The following RPS6KA2 variants were observed in gnomAD, a reference collection of about 807,000 sequenced individuals.
RPS6KA2 encodes ribosomal protein S6 kinase alpha-2.
In RPS6KA2, 42 loss-of-function variants were observed where a neutral mutation model predicts 91.8. That is an observed-to-expected ratio of 0.46 (90% CI 0.36 to 0.59). The LOEUF is 0.59. RPS6KA2 is among the 20% of genes least tolerant of loss of function. The pLI, the probability that RPS6KA2 is intolerant of heterozygous loss-of-function variation, is 0.00. For synonymous variants in RPS6KA2, 414 were observed against 393.6 expected (o/e 1.05, Z -0.61); for missense variants, 798 against 978.5 (o/e 0.82, Z 2.46).
At chr6:166,805,834 C>T (rs746915030) in intron 2 of RPS6KA2, among the ~76,000 whole-genome samples, 6 of 149,464 alleles carry the variant, frequency 4.0e-5, no homozygotes, top group Non-Finnish European at 7.3e-5. Flanking sequence ...TTTAAAACAA[C>T]AGTCTTAAAG....
Position 166,490,888 on chromosome 6 carries a change from T to C in RPS6KA2, c.748-147A>G. On this transcript the variant is annotated intron_variant, in intron 8 of 20. Transcript: ENST00000265678. The surrounding 1 kb of genome is among the most constrained non-coding windows in gnomAD (Gnocchi z 4.2). ...CAATTGTAGCCACTGGCCTACGTGC[T>C]TGGGGTACAACAGTGACTAAAACTG... is the stretch of plus-strand genomic sequence containing the variant. The C allele has an allele frequency of 1.6e-6, 1 of 640,792 alleles. No individual in the cohort carries two copies. The highest frequency in any genetic ancestry group is 1.9e-5 in the South Asian group (1 of 52,474). The allele number at this position is 640,792 out of a possible 1,614,324, so 39.7% of individuals were successfully genotyped here.
intron 12 of RPS6KA2, among the ~76,000 whole-genome samples, chr6:166,455,675 G>A (rs899482402): frequency 6.6e-6 from 1 of 152,238 alleles, no homozygotes; most frequent in Non-Finnish European, 1.5e-5. Context: ...GAAGCTCGGG[G>A]CTTTCTGAGC....
rs189212629 is a variant in RPS6KA2, at chr6:166,713,201, G to A, written c.123+144999C>T. ...AACTCACTTTCTCTCTTTTCAGGGCGGAGGAAACCCAGCTCCAGGGTGACC... is the reference window on the plus strand; with the variant it reads ...AACTCACTTTCTCTCTTTTCAGGGCAGAGGAAACCCAGCTCCAGGGTGACC... On this transcript the variant is annotated intron_variant, in intron 2 of 21. Coordinates refer to the RPS6KA2 transcript ENST00000503859. Among the ~76,000 whole-genome samples the A allele has an allele frequency of 9.8e-4, 149 of 152,296 alleles. 1 individual carries two copies. The highest frequency in any genetic ancestry group is 3.4e-3 in the African/African-American group (142 of 41,552).
intron 6 of RPS6KA2, 29 bp downstream of exon 6, chr6:166,504,477 G>C (rs2128479955): frequency 1.5e-6 from 2 of 1,350,642 alleles, no homozygotes. Context: ...TGGGCGTGGG[G>C]AAGTCAGCCC....
intron 2 of RPS6KA2, among the ~76,000 whole-genome samples, chr6:166,804,481 C>A (rs1188367515): frequency 6.6e-6 from 1 of 151,192 alleles, no homozygotes; most frequent in South Asian, 2.1e-4. Flanking sequence ...TGCAACTAGA[C>A]TAACAAGACA....
rs1332833599 is a variant in RPS6KA2, at chr6:166,557,632, T to C, written c.100-18848A>G. Reference sequence around the variant, plus strand: ...ATTAAAAAATGTTTTAATGAAGTATTATACCACATAATAGATATATAGAAA... The same window carrying C: ...ATTAAAAAATGTTTTAATGAAGTATCATACCACATAATAGATATATAGAAA... On this transcript the variant is annotated intron_variant, in intron 1 of 20. Transcript: ENST00000265678. The surrounding 1 kb of genome is among the most constrained non-coding windows in gnomAD (Gnocchi z 4.8). Among the ~76,000 whole-genome samples, 3 of 152,226 alleles carry C rather than the reference T, an allele frequency of 2.0e-5. No individual in the cohort carries two copies. Among genetic ancestry groups the C allele is most frequent in the Admixed American group, 6.5e-5 (1 of 15,282 alleles).
intron 2 of RPS6KA2, among the ~76,000 whole-genome samples, chr6:166,663,538 T>C (rs1026304404): frequency 6.6e-6 from 1 of 152,234 alleles, no homozygotes; most frequent in Non-Finnish European, 1.5e-5. Context: ...AACAGGGTTA[T>C]TCCCCTCTTT....
chr6:166,750,688 C>T (rs1160624192), intron 2 of RPS6KA2, among the ~76,000 whole-genome samples: 1 of 152,218 alleles, frequency 6.6e-6, no homozygotes, highest in Non-Finnish European at 1.5e-5. Context: ...GCACGCAGCA[C>T]AGATGGGTGT....
rs891645457 is a variant in RPS6KA2, at chr6:166,626,507, G to A, written c.99+414C>T. On this transcript the variant is annotated intron_variant, in intron 1 of 20. Coordinates refer to ENST00000265678, the MANE Select transcript of RPS6KA2 (RefSeq NM_021135.6). The surrounding 1 kb of genome is among the most constrained non-coding windows in gnomAD (Gnocchi z 4.1). ...GCACGGCAGACAGCACCTGATCAGC[G>A]CCTCGGAGGGCGGAGCTGGGGGGCT... is the stretch of plus-strand genomic sequence containing the variant. Among the ~76,000 whole-genome samples the A allele has an allele frequency of 2.0e-5, 3 of 152,120 alleles. No individual in the cohort carries two copies. The highest frequency in any genetic ancestry group is 4.4e-5 in the Non-Finnish European group (3 of 68,038).
At position 166,554,151 on chromosome 6, in the gene RPS6KA2, G is replaced by A. The variant is rs779934160; in HGVS notation, c.100-15367C>T. Among the ~76,000 whole-genome samples, 15 of 152,154 alleles carry A rather than the reference G, an allele frequency of 9.9e-5. No homozygotes were observed. The highest frequency in any genetic ancestry group is 4.1e-4 in the South Asian group (2 of 4,832). ...ATCACTGAAGCAACTGATGCAGTTCGTAAGTTCAGCTTTCTGCTACTTCTT... is the reference window on the plus strand; with the variant it reads ...ATCACTGAAGCAACTGATGCAGTTCATAAGTTCAGCTTTCTGCTACTTCTT... On this transcript the variant is annotated intron_variant, in intron 1 of 20. Coordinates refer to ENST00000265678, the MANE Select transcript of RPS6KA2 (RefSeq NM_021135.6). This position sits in a 1 kb window ranked among gnomAD's most constrained non-coding sequence, Gnocchi z 4.3.
At chr6:166,842,472 C>A (rs9356520) in intron 2 of RPS6KA2, among the ~76,000 whole-genome samples, 89,678 of 151,934 alleles carry the variant, frequency 0.59, 27,537 homozygotes, top group Middle Eastern at 0.73. Flanking sequence ...GAGTCCCCAG[C>A]AGCAGCCAGC....
intron 2 of RPS6KA2, among the ~76,000 whole-genome samples, chr6:166,769,845 G>A (rs1190177778): frequency 1.3e-5 from 2 of 152,182 alleles, no homozygotes; most frequent in Non-Finnish European, 2.9e-5. Flanking sequence ...CTTGTGCAGT[G>A]CCCTCCCTGG....
intron 10 of RPS6KA2, among the ~76,000 whole-genome samples, chr6:166,477,518 A>G (rs933432516): frequency 2.0e-5 from 3 of 152,238 alleles, no homozygotes; most frequent in African/African-American, 7.2e-5. Context: ...TGCTTCTCCC[A>G]GAACAAGGGG....
intron 1 of RPS6KA2, among the ~76,000 whole-genome samples, chr6:166,565,995 C>T (rs1784488093): frequency 6.6e-6 from 1 of 152,198 alleles, no homozygotes; most frequent in African/African-American, 2.4e-5. Context: ...CTGATAACCA[C>T]TTTTCAGGAG....
chr6:166,447,783 C>T (rs1040147411), intron 14 of RPS6KA2, among the ~76,000 whole-genome samples: 6 of 152,134 alleles, frequency 3.9e-5, no homozygotes, highest in African/African-American at 9.7e-5. Flanking sequence ...GAAGGGCAAG[C>T]GTAGCACCGT....
chr6:166,783,633 C>T (rs1238461229), intron 2 of RPS6KA2, among the ~76,000 whole-genome samples: 2 of 152,000 alleles, frequency 1.3e-5, no homozygotes, highest in African/African-American at 4.8e-5. Flanking sequence ...TCTATAACTG[C>T]ATATATACAT....
intron 2 of RPS6KA2, among the ~76,000 whole-genome samples, chr6:166,778,990 C>T (rs1205176552): frequency 1.3e-5 from 2 of 152,234 alleles, no homozygotes; most frequent in Non-Finnish European, 2.9e-5. Context: ...AGCAGATTAA[C>T]TTGAAAATGC....
At chr6:166,699,784 T>G (rs144105714) in intron 2 of RPS6KA2, among the ~76,000 whole-genome samples, 2 of 152,374 alleles carry the variant, frequency 1.3e-5, no homozygotes, top group East Asian at 3.9e-4. Context: ...TTTGACTTTT[T>G]TTTCCAAAGA....
At chr6:166,535,069 C>T (rs778656272) in intron 2 of RPS6KA2, among the ~76,000 whole-genome samples, 79 of 152,318 alleles carry the variant, frequency 5.2e-4, no homozygotes, top group Non-Finnish European at 9.4e-4. Flanking sequence ...AACACTGTAA[C>T]CTCGAGCTAA....
Sources: gnomAD v4.1 joint callset for allele counts (sites outside exome capture counted in the v4.1 genomes callset) on GRCh38, gnomAD v4.1.1 for gene constraint, Gnocchi (gnomAD v3.1) non-coding constraint, MANE v1.5 for transcripts, NCBI Gene and HGNC (gene_info 2026-07-23, HGNC 2026-07-21) for gene names.